Variants in CATSPERE observed in about 807,000 individuals in gnomAD.
The protein encoded by CATSPERE is cation channel sperm-associated auxiliary subunit epsilon.
Under a neutral mutation model 114.1 loss-of-function variants are expected in CATSPERE, and 93 were observed. The ratio of observed to expected loss-of-function variants is 0.81; its 90% CI spans 0.69 to 0.97. CATSPERE has a LOEUF of 0.97. CATSPERE is among the 50% of genes least tolerant of loss of function. CATSPERE has a pLI of 0.00. For synonymous variants in CATSPERE, 341 were observed against 384.1 expected (o/e 0.89, Z 1.31); for missense variants, 1,058 against 1,131.6 (o/e 0.93, Z 0.93).
At chr1:244,453,556 G>GC (rs559479273), upstream of CATSPERE, among the ~76,000 whole-genome samples, 9 of 152,276 alleles carry the variant, frequency 5.9e-5, no homozygotes, top group Non-Finnish European at 1.2e-4. Context: ...TGGTTCAGTG[G>GC]CCCCCCTCCA....
chr1:244,605,678 TTTG>T lies in CATSPERE; in HGVS notation c.2304-11_2304-9del. ...TTTATATTAAACTAGTATCTTTCTGTTTGTTGTTTCTTTCAGATTTGATGATAA... is the reference window on the plus strand; with the variant it reads ...TTTATATTAAACTAGTATCTTTCTGTTTGTTTCTTTCAGATTTGATGATAA... On this transcript the variant is annotated splice_polypyrimidine_tract_variant and intron_variant, in intron 17 of 21. Coordinates refer to ENST00000366534, the MANE Select transcript of CATSPERE (RefSeq NM_001130957.2). The T allele has an allele frequency of 6.5e-7, 1 of 1,542,536 alleles. No individual in the cohort carries two copies. Among genetic ancestry groups the T allele is most frequent in the South Asian group, 1.1e-5 (1 of 88,946 alleles).
chr1:244,468,974 T>A (rs1668036143), intron 2 of CATSPERE, among the ~76,000 whole-genome samples: 1 of 152,138 alleles, frequency 6.6e-6, no homozygotes, highest in Admixed American at 6.5e-5. Flanking sequence ...TTTCCGTGAC[T>A]CTTCTTGATG....
chr1:244,604,871 A>C (rs1669767172), intron 17 of CATSPERE, among the ~76,000 whole-genome samples: 2 of 152,210 alleles, frequency 1.3e-5, no homozygotes, highest in South Asian at 4.1e-4. Context: ...TTGAACACTT[A>C]CTGAGTTTGC....
At chr1:244,621,105 A>G (rs11806540) in intron 20 of CATSPERE, among the ~76,000 whole-genome samples, 4 of 59,058 alleles carry the variant, frequency 6.8e-5, no homozygotes, top group Non-Finnish European at 1.3e-4. Flanking sequence ...AATATATATA[A>G]ATATATATAT....
chr1:244,486,167 A>G (rs567962959), intron 5 of CATSPERE, among the ~76,000 whole-genome samples: 5 of 152,374 alleles, frequency 3.3e-5, no homozygotes, highest in South Asian at 4.1e-4. Context: ...GATATCAAAT[A>G]TAAAGCTTTT....
In CATSPERE at chr1:244,509,368, A is replaced by G. The variant is rs149816690; in HGVS notation, c.430-9224A>G. On this transcript the variant is annotated intron_variant, in intron 7 of 21. Transcript: ENST00000366534. ...TTTTGTTCTTCATTCTGTTGATGTGATATATCATATTTATTGATTTGCATA... is the reference window on the plus strand; with the variant it reads ...TTTTGTTCTTCATTCTGTTGATGTGGTATATCATATTTATTGATTTGCATA... 1.9e-3 allele frequency among the ~76,000 whole-genome samples: 283 copies of G among 151,978 alleles called. 5 individuals are homozygous for G. In the East Asian group the frequency reaches 0.051, roughly 28 times the overall value.
intron 5 of CATSPERE, among the ~76,000 whole-genome samples, chr1:244,481,071 T>C (rs1170222848): frequency 6.6e-6 from 1 of 151,250 alleles, no homozygotes; most frequent in East Asian, 2.0e-4. Flanking sequence ...CCCCAGAAAT[T>C]TGAAGTTACT....
chr1:244,543,205 A>G (rs192663801), intron 8 of CATSPERE, among the ~76,000 whole-genome samples: 128 of 152,310 alleles, frequency 8.4e-4, no homozygotes, highest in Non-Finnish European at 1.3e-3. Flanking sequence ...CTGATTCACA[A>G]TAGCTGAGAT....
chr1:244,596,569 G>C (rs1195232846), intron 17 of CATSPERE, among the ~76,000 whole-genome samples: 1 of 151,840 alleles, frequency 6.6e-6, no homozygotes, highest in Non-Finnish European at 1.5e-5. Context: ...AAAGAATCCT[G>C]TATAAGAAAA....
intron 1 of CATSPERE, among the ~76,000 whole-genome samples, chr1:244,463,672 G>A (rs1667161096): frequency 1.3e-5 from 2 of 149,240 alleles, no homozygotes; most frequent in Admixed American, 6.7e-5. Context: ...ACCAGGTAAA[G>A]AGTATTAACT....
chr1:244,503,573 T>G (rs1398903250), intron 7 of CATSPERE, among the ~76,000 whole-genome samples: 1 of 152,204 alleles, frequency 6.6e-6, no homozygotes, highest in African/African-American at 2.4e-5. Context: ...ACTTCTAGGT[T>G]GCTAAAATAA....
At chr1:244,616,616 C>T (rs945011849) in intron 19 of CATSPERE, among the ~76,000 whole-genome samples, 6 of 152,176 alleles carry the variant, frequency 3.9e-5, no homozygotes, top group Admixed American at 2.6e-4. Flanking sequence ...GGAGGCTGAA[C>T]TCATCCTTTT....
chr1:244,469,276 G>A (rs76311564), intron 2 of CATSPERE, among the ~76,000 whole-genome samples: 12,273 of 152,044 alleles, frequency 0.081, 703 homozygotes, highest in East Asian at 0.22. Flanking sequence ...ATACATAAAA[G>A]TATGGAGTAC....
intron 5 of CATSPERE, among the ~76,000 whole-genome samples, chr1:244,483,519 G>A (rs1477064743): frequency 6.6e-6 from 1 of 152,032 alleles, no homozygotes; most frequent in African/African-American, 2.4e-5. Flanking sequence ...AATTTTTCCA[G>A]TCTACTAGGT....
intron 2 of CATSPERE, among the ~76,000 whole-genome samples, chr1:244,471,765 T>G (rs1272215833): frequency 1.3e-5 from 2 of 152,232 alleles, no homozygotes; most frequent in Non-Finnish European, 2.9e-5. Flanking sequence ...ATGCCACCAT[T>G]TGTCCATTCT....
intron 20 of CATSPERE, among the ~76,000 whole-genome samples, chr1:244,625,717 G>A (rs371127929): frequency 1.1e-3 from 167 of 149,426 alleles, no homozygotes; most frequent in African/African-American, 1.7e-3. Context: ...GTGAGCCACC[G>A]CGCCTGGCCT....
chr1:244,510,062 C>G (rs534814033), intron 7 of CATSPERE, among the ~76,000 whole-genome samples: 2 of 152,146 alleles, frequency 1.3e-5, no homozygotes, highest in East Asian at 3.9e-4. Flanking sequence ...GTTTTAGTCT[C>G]TATTTCATTT....
intron 8 of CATSPERE, among the ~76,000 whole-genome samples, chr1:244,530,970 C>T (rs1679485573): frequency 6.6e-6 from 1 of 152,054 alleles, no homozygotes; most frequent in African/African-American, 2.4e-5. Flanking sequence ...TGGCTCACGC[C>T]TGTAATCCCA....
chr1:244,462,724 C>A (rs1667005832), intron 1 of CATSPERE, among the ~76,000 whole-genome samples: 1 of 151,934 alleles, frequency 6.6e-6, no homozygotes, highest in Non-Finnish European at 1.5e-5. Context: ...TCTGTATATA[C>A]AGAAAATGTG....
Sources: gnomAD v4.1 joint callset for allele counts (sites outside exome capture counted in the v4.1 genomes callset) on GRCh38, gnomAD v4.1.1 for gene constraint, MANE v1.5 for transcripts, NCBI Gene and HGNC (gene_info 2026-07-23, HGNC 2026-07-21) for gene names.